Variants in CD320 observed in about 807,000 individuals in gnomAD.
The protein encoded by CD320 is CD320 antigen.
CD320 carries 16 observed loss-of-function variants against 22.1 expected under a neutral mutation model. The ratio of observed to expected loss-of-function variants is 0.73; its 90% CI spans 0.49 to 1.10. CD320 has a LOEUF of 1.10. CD320 is among the 50% of genes least tolerant of loss of function. The pLI is 0.00. For missense variants in CD320, 388 were observed against 376.9 expected (o/e 1.03, Z -0.24); for synonymous variants, 188 against 167.8 (o/e 1.12, Z -0.93).
intron 1 of CD320, among the ~76,000 whole-genome samples, chr19:8,307,187 G>A (rs894919950): frequency 7.9e-5 from 12 of 151,814 alleles, no homozygotes; most frequent in African/African-American, 2.9e-4. Flanking sequence ...AGCTACTCGG[G>A]AGGCTGAGGC....
intron 2 of CD320, 149 bp downstream of exon 2, chr19:8,304,882 C>T: frequency 1.2e-6 from 1 of 852,496 alleles, no homozygotes; most frequent in South Asian, 1.4e-5. Flanking sequence ...CCATCTTAGA[C>T]CCCGCTTCTT....
Position 8,305,080 on chromosome 19 carries a change from G to C in CD320, c.219C>G (p.Arg73=), listed in dbSNP as rs1448405340. 1 of 1,612,688 alleles carries C rather than the reference G, an allele frequency of 6.2e-7. No individual in the cohort carries two copies. Among genetic ancestry groups the C allele is most frequent in the Admixed American group, 1.7e-5 (1 of 60,022 alleles). ...CGCTGCAGTCCAAGTCCCTGTCGCA[G>C]CGCCAGGTGAGGGGCACGCATAAGC... The part of the protein sequence containing the change: ...TSGLCVPLTW[R]CDRDLDCSDG... Residue 73 remains arginine, a synonymous_variant, in exon 2 of 5, where the codon CGC becomes CGG. Coordinates refer to ENST00000301458, the MANE Select transcript of CD320 (RefSeq NM_016579.4).
chr19:8,308,313 C>A lies in CD320; in HGVS notation c.-23G>T. 3 of 1,581,118 alleles carry A rather than the reference C, an allele frequency of 1.9e-6. No individual in the cohort carries two copies. Among genetic ancestry groups the A allele is most frequent in the Admixed American group, 1.7e-5 (1 of 57,876 alleles). ...CATGCTGTCCCCACAGCGGCGCCGG[C>A]CACGCGCTGTCCAGACCGCTCTCTT... On this transcript the variant is annotated 5_prime_UTR_variant, in exon 1 of 5. Transcript: ENST00000301458.
At chr19:8,307,164 G>A (rs1202750923) in intron 1 of CD320, among the ~76,000 whole-genome samples, 1 of 151,808 alleles carries the variant, frequency 6.6e-6, no homozygotes, top group African/African-American at 2.4e-5. Context: ...TGGTGACGGT[G>A]CCTGTAGTCC....
chr19:8,307,913 C>T (rs544026770), intron 1 of CD320, among the ~76,000 whole-genome samples: 82 of 152,288 alleles, frequency 5.4e-4, no homozygotes, highest in African/African-American at 1.9e-3. Flanking sequence ...AGACGGTGTG[C>T]AGGGCCGGAG....
chr19:8,306,157 A>G (rs555533127), intron 1 of CD320, among the ~76,000 whole-genome samples: 1 of 151,932 alleles, frequency 6.6e-6, no homozygotes, highest in Non-Finnish European at 1.5e-5. Flanking sequence ...TTTTCCCCTC[A>G]ATTTTCAGAT....
intron 1 of CD320, among the ~76,000 whole-genome samples, chr19:8,307,476 G>A (rs1422094291): frequency 6.6e-6 from 1 of 152,126 alleles, no homozygotes; most frequent in African/African-American, 2.4e-5. Flanking sequence ...GCTGCAAGTT[G>A]GGAGTGCCTG....
rs1259189779 is a variant in CD320 at position 8,308,208 on chromosome 19, C to T, written c.83G>A (p.Gly28Glu). 3 of 1,572,002 alleles carry T rather than the reference C, an allele frequency of 1.9e-6. No individual in the cohort carries two copies. The highest frequency in any genetic ancestry group is 2.3e-5 in the East Asian group (1 of 43,168). Residue 28 changes from glycine (G) to glutamate (E), a missense_variant, in exon 1 of 5, where the codon GGA becomes GAA. Coordinates refer to ENST00000301458, the MANE Select transcript of CD320 (RefSeq NM_016579.4). The stretch of plus-strand genomic sequence containing the variant: ...GCTCGCGGCGGCCTCCAGGCCTAGT[C>T]CGAGGCCGAGCAGCAGCAGCAGCGC... Reference protein sequence around the residue: ...GLALLLLLGLGLGLEAAASPL... With the variant: ...GLALLLLLGLELGLEAAASPL...
In CD320 at chr19:8,308,331, G is replaced by A. The variant is rs1970129677; in HGVS notation, c.-41C>T. ...GCGCCGGCCACGCGCTGTCCAGACC[G>A]CTCTCTTATCCCTGCGCACGCGCAC... is the stretch of plus-strand genomic sequence containing the variant. On this transcript the variant is annotated 5_prime_UTR_variant, in exon 1 of 5. Coordinates refer to ENST00000301458, the MANE Select transcript of CD320 (RefSeq NM_016579.4). 2.5e-6 allele frequency: 4 copies of A among 1,573,434 alleles called. No individual in the cohort carries two copies. Among genetic ancestry groups the A allele is most frequent in the East Asian group, 2.3e-5 (1 of 43,202 alleles).
rs765539289 is a variant in CD320, at chr19:8,302,611, G to C, written c.707-6C>G. 3.7e-6 allele frequency: 6 copies of C among 1,613,128 alleles called. No homozygotes were observed. The highest frequency in any genetic ancestry group is 5.1e-6 in the Non-Finnish European group (6 of 1,179,476). ...CAGGCTTGCACTGAGCACCGCTGTGGGGAACAGATGGACAGAGGAGTAAGG... is the reference window on the plus strand; with the variant it reads ...CAGGCTTGCACTGAGCACCGCTGTGCGGAACAGATGGACAGAGGAGTAAGG... On this transcript the variant is annotated splice_region_variant and splice_polypyrimidine_tract_variant and intron_variant, in intron 4 of 4. Transcript: ENST00000301458.
At chr19:8,304,886 G>T (rs570609913) in intron 2 of CD320, 145 bp downstream of exon 2, 2 of 893,092 alleles carry the variant, frequency 2.2e-6, no homozygotes, top group Non-Finnish European at 3.5e-6. Context: ...CTTAGACCCC[G>T]CTTCTTATGA....
At chr19:8,303,445 T>C (rs1970039626) in intron 3 of CD320, among the ~76,000 whole-genome samples, 1 of 147,574 alleles carries the variant, frequency 6.8e-6, no homozygotes, top group Admixed American at 6.8e-5. Flanking sequence ...GACAGAGTTT[T>C]GCTGTCACCC....
In CD320 at chr19:8,305,357, G is replaced by A. The variant is rs1970073994; in HGVS notation, c.143-201C>T. On this transcript the variant is annotated intron_variant, in intron 1 of 4. Coordinates refer to ENST00000301458, the MANE Select transcript of CD320 (RefSeq NM_016579.4). ...TTCCTGGGCTCAAGAGCCCCACTGG[G>A]CAGGTGCTACTGCACTCCCCAGGTT... 1.7e-5 allele frequency: 10 copies of A among 583,146 alleles called. 1 individual carries two copies. In the South Asian group the frequency reaches 1.8e-4, roughly 11 times the overall value. The allele number at this position is 583,146 out of a possible 1,614,324, so 36.1% of individuals were successfully genotyped here. A position where few individuals can be genotyped will look rare whatever the true frequency, so the allele number is the denominator to read the frequency against.
intron 1 of CD320, among the ~76,000 whole-genome samples, chr19:8,307,350 CAAAAA>C (rs35148159): frequency 1.5e-5 from 2 of 137,418 alleles, no homozygotes; most frequent in Non-Finnish European, 3.0e-5. Flanking sequence ...AAAAAACAAA[CAAAAA>C]AAAACCCAGG....
chr19:8,307,267 C>A (rs1400369345), intron 1 of CD320, among the ~76,000 whole-genome samples: 2 of 147,026 alleles, frequency 1.4e-5, no homozygotes, highest in Non-Finnish European at 3.0e-5. Flanking sequence ...CCAGCCAGGG[C>A]GACAGAGGGA....
Position 8,302,318 on chromosome 19 carries a change from G to A in CD320, c.*145C>T. 1 of 1,004,740 alleles carries A rather than the reference G, an allele frequency of 1.0e-6. No homozygotes were observed. The highest frequency in any genetic ancestry group is 1.6e-5 in the African/African-American group (1 of 63,144). 62.2% of individuals were successfully genotyped at this position (1,004,740 alleles called of 1,614,324 possible). ...ACCCTCAATCTCCAGGGCCACTTCTGCAGGAGCTCGGGTTCGAGGTTCCAC... is the reference window on the plus strand; with the variant it reads ...ACCCTCAATCTCCAGGGCCACTTCTACAGGAGCTCGGGTTCGAGGTTCCAC... On this transcript the variant is annotated 3_prime_UTR_variant, in exon 5 of 5. Coordinates refer to ENST00000301458, the MANE Select transcript of CD320 (RefSeq NM_016579.4).
chr19:8,307,860 C>T (rs180797395), intron 1 of CD320, among the ~76,000 whole-genome samples: 471 of 152,232 alleles, frequency 3.1e-3, no homozygotes, highest in Non-Finnish European at 5.8e-3. Flanking sequence ...TGAAGGGCGG[C>T]TTGGAGGTGA....
In CD320 at chr19:8,308,350, C is replaced by A; in HGVS notation, c.-60G>T. The A allele has an allele frequency of 6.5e-7, 1 of 1,549,406 alleles. No individual in the cohort carries two copies. Among genetic ancestry groups the A allele is most frequent in the Non-Finnish European group, 8.7e-7 (1 of 1,153,920 alleles). ...CAGACCGCTCTCTTATCCCTGCGCA[C>A]GCGCACGCGCGGGGTTGGGGCGGGG... On this transcript the variant is annotated 5_prime_UTR_variant, in exon 1 of 5. Transcript: ENST00000301458.
chr19:8,308,320 C>G lies in CD320; in HGVS notation c.-30G>C, dbSNP rs1435982235. 1 of 1,578,452 alleles carries G rather than the reference C, an allele frequency of 6.3e-7. No homozygotes were observed. Among genetic ancestry groups the G allele is most frequent in the Admixed American group, 1.7e-5 (1 of 57,502 alleles). ...TCCCCACAGCGGCGCCGGCCACGCG[C>G]TGTCCAGACCGCTCTCTTATCCCTG... On this transcript the variant is annotated 5_prime_UTR_variant, in exon 1 of 5. Coordinates refer to ENST00000301458, the MANE Select transcript of CD320 (RefSeq NM_016579.4).
Sources: allele counts gnomAD v4.1 joint callset (sites outside exome capture counted in the v4.1 genomes callset), GRCh38; gene constraint gnomAD v4.1.1; transcripts MANE v1.5; gene names NCBI Gene and HGNC (gene_info 2026-07-23, HGNC 2026-07-21).